HPSE2: variants seen among roughly 807,000 people sequenced by gnomAD.
The protein encoded by HPSE2 is heparanase 2 (inactive).
A neutral mutation model predicts 60.5 loss-of-function variants in HPSE2; 38 were observed. That is an observed-to-expected ratio of 0.63 (90% CI 0.48 to 0.82). The LOEUF (loss-of-function observed/expected upper bound fraction) is 0.82. Among genes scored for constraint, HPSE2 ranks in the 40% least tolerant of loss-of-function variants. HPSE2 has a pLI of 0.00. For synonymous variants in HPSE2, 295 were observed against 293.2 expected (o/e 1.01, Z -0.06); for missense variants, 713 against 740.4 (o/e 0.96, Z 0.43).
intron 3 of HPSE2, among the ~76,000 whole-genome samples, chr10:98,855,482 T>C (rs1952290866): frequency 2.0e-5 from 3 of 151,992 alleles, no homozygotes; most frequent in Non-Finnish European, 4.4e-5. Context: ...CTCTTAACTT[T>C]AAGGTACAAA....
At chr10:99,043,087 G>T (rs150618823) in intron 3 of HPSE2, among the ~76,000 whole-genome samples, 1 of 152,076 alleles carries the variant, frequency 6.6e-6, no homozygotes, top group Non-Finnish European at 1.5e-5. Flanking sequence ...AAGGGACACC[G>T]ACCCTCCGAA....
chr10:98,463,949 T>A (rs985901600), intron 11 of HPSE2, among the ~76,000 whole-genome samples: 3 of 151,748 alleles, frequency 2.0e-5, no homozygotes, highest in African/African-American at 4.8e-5. Context: ...AAACCCTGTC[T>A]CTACTAAAAA....
chr10:98,956,937 G>A (rs1955524530), intron 3 of HPSE2, among the ~76,000 whole-genome samples: 1 of 152,178 alleles, frequency 6.6e-6, no homozygotes, highest in Non-Finnish European at 1.5e-5. Flanking sequence ...AAAGAACTCT[G>A]TATACCTTAG....
intron 3 of HPSE2, among the ~76,000 whole-genome samples, chr10:98,888,135 A>AACACACACACACACACACACAC (rs3043548): frequency 5.0e-5 from 7 of 140,710 alleles, no homozygotes; most frequent in African/African-American, 1.8e-4. Context: ...TTTTAAAACA[A>AACACACACACACACACACACAC]ACACACACAC....
At chr10:98,999,339 G>A (rs377132016) in intron 3 of HPSE2, among the ~76,000 whole-genome samples, 12 of 152,212 alleles carry the variant, frequency 7.9e-5, no homozygotes, top group African/African-American at 2.6e-4. Context: ...AAACATTTGT[G>A]GGCAATTTCC....
chr10:99,132,210 AGAGAGAGAGAGAGAGAGAGAGAG>A (rs1564833033), intron 3 of HPSE2, among the ~76,000 whole-genome samples: 4 of 28,904 alleles, frequency 1.4e-4, no homozygotes, highest in Admixed American at 9.0e-4. Flanking sequence ...AGAGAGAGAG[AGAGAGAGAGAGAGAGAGAGAGAG>A]AGAGAGAGAG....
At chr10:98,493,679 G>C (rs1941734919) in intron 9 of HPSE2, among the ~76,000 whole-genome samples, 1 of 151,816 alleles carries the variant, frequency 6.6e-6, no homozygotes, top group Non-Finnish European at 1.5e-5. Context: ...TGTGTTTTTG[G>C]GTCTAAAGTG....
intron 11 of HPSE2, among the ~76,000 whole-genome samples, chr10:98,464,250 T>A (rs1940431824): frequency 6.6e-6 from 1 of 152,246 alleles, no homozygotes. Context: ...GGAGGTATCA[T>A]GTACTTTTTA....
At chr10:99,277,935 T>A in the HPSE2 span, among the ~76,000 whole-genome samples, 2 of 151,786 alleles carry the variant, frequency 1.3e-5, no homozygotes, top group Non-Finnish European at 2.9e-5. Flanking sequence ...CTGTCTCTAC[T>A]AAAATACAAA....
chr10:98,978,089 A>T (rs1346082224), intron 3 of HPSE2, among the ~76,000 whole-genome samples: 1 of 152,108 alleles, frequency 6.6e-6, no homozygotes, highest in Non-Finnish European at 1.5e-5. Context: ...TAGAGCCAGG[A>T]TTTGAAACAC....
intron 9 of HPSE2, among the ~76,000 whole-genome samples, chr10:98,566,102 T>A (rs1944335973): frequency 6.6e-6 from 1 of 152,174 alleles, no homozygotes; most frequent in Admixed American, 6.6e-5. Flanking sequence ...TAAAAATACT[T>A]CAGAACACTT....
chr10:98,646,309 T>G (rs893536872), intron 6 of HPSE2, among the ~76,000 whole-genome samples: 11 of 94,872 alleles, frequency 1.2e-4, no homozygotes, highest in African/African-American at 3.5e-4. Flanking sequence ...GGTGATTTCT[T>G]TTTTTCTTTT....
chr10:98,893,171 G>A (rs1038807973), intron 3 of HPSE2, among the ~76,000 whole-genome samples: 1 of 151,998 alleles, frequency 6.6e-6, no homozygotes, highest in East Asian at 1.9e-4. Flanking sequence ...AGGTTCAAGC[G>A]GTTCTCCTGC....
chr10:98,822,458 G>T (rs531867284), intron 3 of HPSE2, among the ~76,000 whole-genome samples: 1 of 152,164 alleles, frequency 6.6e-6, no homozygotes, highest in African/African-American at 2.4e-5. Flanking sequence ...TTAATAAACT[G>T]CTTATAGAGA....
chr10:99,079,416 G>T (rs1022310266), intron 3 of HPSE2, among the ~76,000 whole-genome samples: 2 of 152,022 alleles, frequency 1.3e-5, no homozygotes, highest in South Asian at 2.1e-4. Context: ...CTCTGAGCAG[G>T]CAAGACAGAT....
chr10:98,950,594 C>T (rs1314073399), intron 3 of HPSE2, among the ~76,000 whole-genome samples: 2 of 152,030 alleles, frequency 1.3e-5, no homozygotes, highest in South Asian at 2.1e-4. Context: ...TGTGGCTGCA[C>T]CAACTTCTTT....
At chr10:98,917,120 G>A (rs1330581591) in intron 3 of HPSE2, among the ~76,000 whole-genome samples, 1 of 152,094 alleles carries the variant, frequency 6.6e-6, no homozygotes, top group Non-Finnish European at 1.5e-5. Flanking sequence ...GGAATCAACA[G>A]ATCCATCCAA....
intron 3 of HPSE2, among the ~76,000 whole-genome samples, chr10:99,059,629 A>G (rs187951798): frequency 2.6e-5 from 4 of 152,272 alleles, no homozygotes; most frequent in Middle Eastern, 3.4e-3. Flanking sequence ...AAATCAGCAT[A>G]TCTATCTTAA....
At chr10:99,077,125 G>A (rs915648226) in intron 3 of HPSE2, among the ~76,000 whole-genome samples, 27 of 152,060 alleles carry the variant, frequency 1.8e-4, no homozygotes, top group African/African-American at 6.5e-4. Context: ...TTCTCTTACT[G>A]CTTTCAAAAG....
Sources: allele counts gnomAD v4.1 joint callset (sites outside exome capture counted in the v4.1 genomes callset), GRCh38; gene constraint gnomAD v4.1.1; transcripts MANE v1.5; gene names NCBI Gene and HGNC (gene_info 2026-07-23, HGNC 2026-07-21).